CHRM5: variants seen among roughly 807,000 people sequenced by gnomAD.
The protein encoded by CHRM5 is cholinergic receptor muscarinic 5, also known as muscarinic acetylcholine receptor M5.
Under a neutral mutation model 39.0 loss-of-function variants are expected in CHRM5, and 18 were observed. The ratio of observed to expected loss-of-function variants is 0.46; its 90% CI spans 0.32 to 0.68. CHRM5 has a LOEUF of 0.68. CHRM5 is among the 30% of genes least tolerant of loss of function. The pLI, the probability that CHRM5 is intolerant of heterozygous loss-of-function variation, is 0.04. For missense variants in CHRM5, 515 were observed against 651.1 expected (o/e 0.79, Z 2.28); for synonymous variants, 241 against 246.3 (o/e 0.98, Z 0.20).
chr15:34,007,055 C>T (rs1277762852), intron 1 of CHRM5: 3 of 984,260 alleles, frequency 3.0e-6, no homozygotes, highest in South Asian at 9.4e-5. Flanking sequence ...ACCTGGACAT[C>T]GGTCACTGGT....
At chr15:34,005,170 A>G (rs1427799516) in intron 1 of CHRM5, among the ~76,000 whole-genome samples, 1 of 152,118 alleles carries the variant, frequency 6.6e-6, no homozygotes, top group East Asian at 1.9e-4. Context: ...TGGTCACTAG[A>G]TTTTTAAAAA....
intron 1 of CHRM5, among the ~76,000 whole-genome samples, chr15:33,989,257 G>A (rs1817701682): frequency 1.3e-5 from 2 of 152,038 alleles, no homozygotes; most frequent in Non-Finnish European, 2.9e-5. Flanking sequence ...ACAGCCCCGT[G>A]TTAATGACCT....
At chr15:33,974,342 C>A (rs2140504433) in intron 1 of CHRM5, among the ~76,000 whole-genome samples, 1 of 152,324 alleles carries the variant, frequency 6.6e-6, no homozygotes, top group South Asian at 2.1e-4. Context: ...TGCCCCCTCT[C>A]CCTCTTTCAC....
chr15:34,026,902 C>G (rs935557499), intron 1 of CHRM5, among the ~76,000 whole-genome samples: 1 of 152,034 alleles, frequency 6.6e-6, no homozygotes, highest in African/African-American at 2.4e-5. Context: ...CTGTGGCCTA[C>G]GTATAATAGA....
At chr15:34,030,076 C>T (rs1597370811) in intron 1 of CHRM5, among the ~76,000 whole-genome samples, 1 of 151,814 alleles carries the variant, frequency 6.6e-6, no homozygotes, top group African/African-American at 2.4e-5. Context: ...CAACATGGTG[C>T]GACCCCATCT....
chr15:34,064,355 T>C lies in CHRM5; in HGVS notation c.*39T>C. The C allele has an allele frequency of 6.4e-7, 1 of 1,565,056 alleles. No individual in the cohort carries two copies. The highest frequency in any genetic ancestry group is 8.6e-7 in the Non-Finnish European group (1 of 1,157,722). On this transcript the variant is annotated 3_prime_UTR_variant, in exon 3 of 3. Coordinates refer to ENST00000383263, the MANE Select transcript of CHRM5 (RefSeq NM_012125.4). ...CCTCTCGAAAGAACAATGACCACAG[T>C]CAACATCCTCTGAGGATGAGCAAGC...
intron 1 of CHRM5, among the ~76,000 whole-genome samples, chr15:34,038,229 G>A (rs1899245078): frequency 6.6e-6 from 1 of 152,112 alleles, no homozygotes; most frequent in Admixed American, 6.5e-5. Flanking sequence ...ATCTGGTCCC[G>A]CCCCCAAATA....
At chr15:34,040,391 C>T (rs1899418999) in intron 1 of CHRM5, among the ~76,000 whole-genome samples, 1 of 152,076 alleles carries the variant, frequency 6.6e-6, no homozygotes, top group South Asian at 2.1e-4. Context: ...TAGGAGTTTG[C>T]CTGGTTGGTA....
intron 1 of CHRM5, among the ~76,000 whole-genome samples, chr15:33,983,140 G>GTGTGTGTGTA (rs1555512724): frequency 1.9e-4 from 22 of 118,340 alleles, no homozygotes; most frequent in African/African-American, 9.5e-4. Context: ...GTGTGTGTGT[G>GTGTGTGTGTA]TGTGTGTGTG....
In CHRM5 at chr15:33,968,833, T is replaced by C. The variant is rs1306912606; in HGVS notation, c.-725T>C. 1 of 152,132 alleles carries C rather than the reference T, an allele frequency of 6.6e-6. No homozygotes were observed. Among genetic ancestry groups the C allele is most frequent in the Non-Finnish European group, 1.5e-5 (1 of 67,978 alleles). The allele number at this position is 152,132 out of a possible 1,614,324, so 9.4% of individuals were successfully genotyped here. A position where few individuals can be genotyped will look rare whatever the true frequency, so the allele number is the denominator to read the frequency against. ...ATATAGGAACAACCAGGATTTCTCA[T>C]TGCTGAAGCATTCAATGAATCTTTA... On this transcript the variant is annotated 5_prime_UTR_variant, in exon 1 of 3. Transcript: ENST00000383263.
At chr15:33,993,293 G>C (rs1481964849) in intron 1 of CHRM5, among the ~76,000 whole-genome samples, 1 of 152,152 alleles carries the variant, frequency 6.6e-6, no homozygotes, top group Non-Finnish European at 1.5e-5. Context: ...AAAAGCCAAA[G>C]GCATGATTAT....
intron 1 of CHRM5, among the ~76,000 whole-genome samples, chr15:34,008,948 G>GCA (rs1459998096): frequency 0.012 from 219 of 17,956 alleles, 1 homozygote; most frequent in African/African-American, 0.015. Context: ...TCACACGTGC[G>GCA]CGCGCGCACA....
intron 2 of CHRM5, among the ~76,000 whole-genome samples, chr15:34,057,791 G>T (rs763162783): frequency 1.3e-5 from 2 of 152,114 alleles, no homozygotes; most frequent in Non-Finnish European, 2.9e-5. Context: ...GCAAGACCTT[G>T]TTTCTAATAA....
chr15:33,988,006 G>C (rs1896552002), intron 1 of CHRM5, among the ~76,000 whole-genome samples: 1 of 152,172 alleles, frequency 6.6e-6, no homozygotes, highest in African/African-American at 2.4e-5. Context: ...ACTTCCATAG[G>C]CCAAAAGACT....
chr15:33,979,124 A>G (rs1051948288), intron 1 of CHRM5, among the ~76,000 whole-genome samples: 1 of 152,174 alleles, frequency 6.6e-6, no homozygotes, highest in Non-Finnish European at 1.5e-5. Context: ...TATCAATTTG[A>G]TTATAGCTTA....
Position 33,990,309 on chromosome 15 carries a change from G to A in CHRM5, c.-408+21159G>A, listed in dbSNP as rs1896666020. On this transcript the variant is annotated intron_variant, in intron 1 of 2. Coordinates refer to ENST00000383263, the MANE Select transcript of CHRM5 (RefSeq NM_012125.4). ...AGGCAGGAGAATCGCTAGAACCTGG[G>A]AGGCAGAGGCTGCAGTGAGCCGAGA... 2.0e-5 allele frequency among the ~76,000 whole-genome samples: 3 copies of A among 152,132 alleles called. No homozygotes were observed. The South Asian group carries it at 6.2e-4, about 32-fold the overall frequency.
At chr15:34,038,356 CTAA>C (rs1283478991) in intron 1 of CHRM5, among the ~76,000 whole-genome samples, 3 of 152,202 alleles carry the variant, frequency 2.0e-5, no homozygotes, top group Non-Finnish European at 4.4e-5. Flanking sequence ...CCTTTCCCTC[CTAA>C]TAACAGGAGC....
intron 2 of CHRM5, among the ~76,000 whole-genome samples, chr15:34,058,859 G>A (rs1056556950): frequency 2.0e-5 from 3 of 152,112 alleles, no homozygotes; most frequent in African/African-American, 7.2e-5. Flanking sequence ...TCATAGAAAT[G>A]TAGGTATGTT....
intron 1 of CHRM5, among the ~76,000 whole-genome samples, chr15:33,997,136 G>A (rs1183360410): frequency 6.6e-6 from 1 of 152,158 alleles, no homozygotes; most frequent in Non-Finnish European, 1.5e-5. Flanking sequence ...TTAACCTTGG[G>A]AGAAAGATGG....
Sources: gnomAD v4.1 joint callset for allele counts (sites outside exome capture counted in the v4.1 genomes callset) on GRCh38, gnomAD v4.1.1 for gene constraint, MANE v1.5 for transcripts, NCBI Gene and HGNC (gene_info 2026-07-23, HGNC 2026-07-21) for gene names.